The following CNBD1 variants were observed in gnomAD, a reference collection of about 807,000 sequenced individuals.
CNBD1 encodes cyclic nucleotide binding domain containing 1.
CNBD1 carries 71 observed loss-of-function variants against 54.4 expected under a neutral mutation model. The observed-to-expected ratio is 1.30, with a 90% confidence interval of 1.08 to 1.59. CNBD1 has a LOEUF of 1.59. CNBD1 is among the 40% of genes most tolerant of loss of function. CNBD1 has a pLI of 0.00. For missense variants in CNBD1, 659 were observed against 518.0 expected, an observed-to-expected ratio of 1.27 and a Z score of -2.64; for synonymous variants, 182 against 170.7, an observed-to-expected ratio of 1.07 and a Z score of -0.51.
chr8:87,138,396 T>G (rs1237279820), intron 4 of CNBD1, among the ~76,000 whole-genome samples: 1 of 152,182 alleles, frequency 6.6e-6, no homozygotes, highest in Admixed American at 6.6e-5. Flanking sequence ...GTCCTTCTGC[T>G]GAATTCCTGT....
At chr8:87,424,403 G>T (rs1289523874) in intron 2 of CNBD1, among the ~76,000 whole-genome samples, 2 of 152,088 alleles carry the variant, frequency 1.3e-5, no homozygotes, top group African/African-American at 2.4e-5. Context: ...GCTTTCTCTT[G>T]TGGGCATTTA....
At chr8:86,888,859 GTTTTT>G (rs879469004) in intron 2 of CNBD1, among the ~76,000 whole-genome samples, 1 of 151,162 alleles carries the variant, frequency 6.6e-6, no homozygotes, top group Non-Finnish European at 1.5e-5. Flanking sequence ...AATACTTCTA[GTTTTT>G]TTTTCTCTTT....
intron 4 of CNBD1, among the ~76,000 whole-genome samples, chr8:87,112,023 C>T (rs548169166): frequency 1.4e-4 from 22 of 152,238 alleles, no homozygotes; most frequent in Admixed American, 5.2e-4. Context: ...TTATTGTTTC[C>T]GTAAACAGAT....
chr8:87,228,225 C>G (rs919733388), intron 5 of CNBD1, among the ~76,000 whole-genome samples: 2,054 of 148,706 alleles, frequency 0.014, 46 homozygotes, highest in African/African-American at 0.042. Context: ...TCGTCTGAAG[C>G]CTTCTTCTCT....
chr8:87,112,296 T>G (rs1326590798), intron 4 of CNBD1, among the ~76,000 whole-genome samples: 2 of 152,180 alleles, frequency 1.3e-5, no homozygotes, highest in Non-Finnish European at 2.9e-5. Context: ...AGTGCCCTGT[T>G]TTTGCCAACC....
intron 4 of CNBD1, among the ~76,000 whole-genome samples, chr8:86,943,846 A>AG (rs1395875030): frequency 6.6e-6 from 1 of 152,122 alleles, no homozygotes. Flanking sequence ...GAAGAATATC[A>AG]GGTAGCTCTC....
At chr8:87,179,859 G>T (rs187469556) in intron 4 of CNBD1, among the ~76,000 whole-genome samples, 14 of 152,224 alleles carry the variant, frequency 9.2e-5, no homozygotes, top group African/African-American at 3.4e-4. Context: ...ACATTAATCA[G>T]TATGTCAAAA....
At chr8:87,177,417 A>T (rs1180344474) in intron 4 of CNBD1, among the ~76,000 whole-genome samples, 3 of 152,328 alleles carry the variant, frequency 2.0e-5, no homozygotes, top group African/African-American at 7.2e-5. Context: ...GAGATGGAGA[A>T]TTTCATCCTC....
chr8:87,255,999 ATATATATATATATATATTTTTTTT>A (rs1305331105), intron 6 of CNBD1, among the ~76,000 whole-genome samples: 22 of 15,408 alleles, frequency 1.4e-3, no homozygotes, highest in Non-Finnish European at 2.0e-3. Context: ...ATATATATAT[ATATATATATATATATATTTTTTTT>A]TTTTTTTTTT....
intron 4 of CNBD1, among the ~76,000 whole-genome samples, chr8:87,099,437 G>T (rs1811385873): frequency 6.6e-6 from 1 of 152,098 alleles, no homozygotes; most frequent in African/African-American, 2.4e-5. Context: ...ATTGATTTAG[G>T]AACAATAGTA....
intron 4 of CNBD1, among the ~76,000 whole-genome samples, chr8:87,135,114 C>T (rs1812202524): frequency 6.6e-6 from 1 of 151,926 alleles, no homozygotes; most frequent in Non-Finnish European, 1.5e-5. Context: ...AAAATTGAGT[C>T]TGATTTCTAG....
chr8:87,297,578 A>G (rs1808902832), intron 8 of CNBD1, among the ~76,000 whole-genome samples: 1 of 152,124 alleles, frequency 6.6e-6, no homozygotes, highest in Admixed American at 6.6e-5. Flanking sequence ...ATAACTTCCT[A>G]AAAAGTGGCT....
chr8:87,156,086 T>A (rs992108039), intron 4 of CNBD1, among the ~76,000 whole-genome samples: 9 of 151,684 alleles, frequency 5.9e-5, no homozygotes, highest in Admixed American at 3.3e-4. Context: ...AAAAAGTGGT[T>A]GAAGAGAAAA....
chr8:87,314,883 A>C (rs73282316), intron 8 of CNBD1, among the ~76,000 whole-genome samples: 8,855 of 152,124 alleles, frequency 0.058, 809 homozygotes, highest in African/African-American at 0.2. Flanking sequence ...AAAATAAGAC[A>C]GTTCAGACAG....
At chr8:86,902,324 A>G (rs1300684519) in intron 2 of CNBD1, among the ~76,000 whole-genome samples, 1 of 152,072 alleles carries the variant, frequency 6.6e-6, no homozygotes, top group Non-Finnish European at 1.5e-5. Context: ...AATCCATAGC[A>G]GTTATTAACA....
At position 87,392,933 on chromosome 8, in the gene CNBD1, A is replaced by G. The variant is rs573435633; in HGVS notation, c.214-35613A>G. Among the ~76,000 whole-genome samples the G allele has an allele frequency of 1.8e-4, 28 of 152,064 alleles. 1 individual carries two copies. The South Asian group carries it at 5.4e-3, about 29-fold the overall frequency. On this transcript the variant is annotated intron_variant, in intron 2 of 7. Transcript: ENST00000521593. ...TAGATGCATCAGGGTAAACAATGAC[A>G]TGGCTAGCATTTAACTAGTTTTTAT...
At chr8:87,240,149 A>G (rs1807666240) in intron 6 of CNBD1, among the ~76,000 whole-genome samples, 1 of 151,980 alleles carries the variant, frequency 6.6e-6, no homozygotes, top group African/African-American at 2.4e-5. Context: ...ATACTTCTAT[A>G]TTCAACATAT....
At chr8:87,237,526 G>A (rs2130826476) in intron 6 of CNBD1, among the ~76,000 whole-genome samples, 1 of 152,226 alleles carries the variant, frequency 6.6e-6, no homozygotes, top group East Asian at 1.9e-4. Context: ...TGCTAAGATA[G>A]TCAAGTAGTT....
chr8:87,154,100 C>T (rs369747154), intron 4 of CNBD1, among the ~76,000 whole-genome samples: 2 of 152,012 alleles, frequency 1.3e-5, no homozygotes, highest in Non-Finnish European at 2.9e-5. Context: ...CAAGTGCATT[C>T]GTCTTTCTAG....
Sources: gnomAD v4.1 joint callset for allele counts (sites outside exome capture counted in the v4.1 genomes callset) on GRCh38, gnomAD v4.1.1 for gene constraint, MANE v1.5 for transcripts, NCBI Gene and HGNC (gene_info 2026-07-23, HGNC 2026-07-21) for gene names.